UPP2: variants seen among roughly 807,000 people sequenced by gnomAD.
UPP2 encodes uridine phosphorylase 2.
Under a neutral mutation model 26.7 loss-of-function variants are expected in UPP2, and 23 were observed. The observed-to-expected ratio is 0.86, with a 90% CI of 0.62 to 1.22. The LOEUF is 1.22. UPP2 is among the 50% of genes most tolerant of loss of function. The pLI is 0.00. For missense variants in UPP2, 387 were observed against 396.7 expected, an observed-to-expected ratio of 0.98 and a Z score of 0.21; for synonymous variants, 127 against 141.3, an observed-to-expected ratio of 0.90 and a Z score of 0.72.
chr2:158,090,428 G>A (rs1337192311), intron 3 of UPP2, among the ~76,000 whole-genome samples: 3 of 152,096 alleles, frequency 2.0e-5, no homozygotes, highest in African/African-American at 7.2e-5. Context: ...GTGAACCCGG[G>A]AGGCGGAGCT....
At chr2:158,059,478 G>T (rs1451055658) in intron 3 of UPP2, among the ~76,000 whole-genome samples, 2 of 152,206 alleles carry the variant, frequency 1.3e-5, no homozygotes, top group Non-Finnish European at 2.9e-5. Flanking sequence ...TCTGAGTGTT[G>T]TTCCACATGC....
intron 3 of UPP2, among the ~76,000 whole-genome samples, chr2:158,092,300 A>C (rs574700230): frequency 6.6e-6 from 1 of 152,318 alleles, no homozygotes; most frequent in Non-Finnish European, 1.5e-5. Context: ...ACACCTAAAC[A>C]CATTTTAATA....
chr2:158,126,224 G>A (rs548327280), intron 6 of UPP2, among the ~76,000 whole-genome samples: 2 of 152,252 alleles, frequency 1.3e-5, no homozygotes, highest in African/African-American at 4.8e-5. Context: ...TTTCCCTCCT[G>A]GATGCTTTCT....
At chr2:158,101,531 G>A (rs1683074966), upstream of UPP2, among the ~76,000 whole-genome samples, 2 of 152,162 alleles carry the variant, frequency 1.3e-5, no homozygotes, top group South Asian at 4.1e-4. Flanking sequence ...GTTGGCGAGG[G>A]GCTGGATGGA....
intron 2 of UPP2, 127 bp from the exon 3 acceptor site, chr2:158,114,974 A>G (rs1314103609): frequency 6.9e-6 from 6 of 867,318 alleles, no homozygotes; most frequent in Non-Finnish European, 9.5e-6. Flanking sequence ...TGGAACATAA[A>G]CCATGACATC....
At chr2:158,042,412 T>C (rs141464994) in intron 3 of UPP2, among the ~76,000 whole-genome samples, 1 of 152,278 alleles carries the variant, frequency 6.6e-6, no homozygotes, top group Non-Finnish European at 1.5e-5. Flanking sequence ...TGATCACAGA[T>C]GCCGCCCTTC....
intron 3 of UPP2, among the ~76,000 whole-genome samples, chr2:158,024,893 T>G (rs1482144731): frequency 6.6e-6 from 1 of 152,098 alleles, no homozygotes; most frequent in African/African-American, 2.4e-5. Context: ...TTCTTTTTAT[T>G]GGTGCATAAT....
At chr2:158,041,164 G>T (rs1684076825) in intron 3 of UPP2, among the ~76,000 whole-genome samples, 1 of 152,032 alleles carries the variant, frequency 6.6e-6, no homozygotes, top group African/African-American at 2.4e-5. Flanking sequence ...AATTCAAAGA[G>T]AAATCACTTG....
chr2:158,018,633 T>G (rs1282847003), intron 3 of UPP2, among the ~76,000 whole-genome samples: 1 of 152,142 alleles, frequency 6.6e-6, no homozygotes, highest in Non-Finnish European at 1.5e-5. Flanking sequence ...GGAAAGCAGG[T>G]AGGGAGAGAG....
At chr2:158,060,354 T>C (rs1390065817) in intron 3 of UPP2, among the ~76,000 whole-genome samples, 1 of 152,162 alleles carries the variant, frequency 6.6e-6, no homozygotes, top group Admixed American at 6.5e-5. Flanking sequence ...AGATGATACA[T>C]GTAAAGCACT....
chr2:158,082,511 G>A (rs13404450), intron 3 of UPP2, among the ~76,000 whole-genome samples: 3,440 of 152,188 alleles, frequency 0.023, 133 homozygotes, highest in African/African-American at 0.075. Context: ...ACCATATGCA[G>A]AAAACTGAAA....
At chr2:158,091,179 T>C (rs1045751518) in intron 3 of UPP2, among the ~76,000 whole-genome samples, 3 of 152,222 alleles carry the variant, frequency 2.0e-5, no homozygotes, top group Admixed American at 1.3e-4. Context: ...TTGTAGCCTC[T>C]AGCAGAAGCA....
At chr2:158,063,825 T>C (rs1452320901) in intron 3 of UPP2, among the ~76,000 whole-genome samples, 1 of 152,160 alleles carries the variant, frequency 6.6e-6, no homozygotes, top group South Asian at 2.1e-4. Context: ...CAACTCCCAC[T>C]TATGAGTGAG....
At chr2:158,027,139 T>C (rs1466556936) in intron 3 of UPP2, among the ~76,000 whole-genome samples, 3 of 152,062 alleles carry the variant, frequency 2.0e-5, no homozygotes, top group Non-Finnish European at 4.4e-5. Context: ...AAACCAATCA[T>C]TGCCTTCCCA....
At chr2:158,051,073 C>T (rs1237466684) in intron 3 of UPP2, among the ~76,000 whole-genome samples, 1 of 151,572 alleles carries the variant, frequency 6.6e-6, no homozygotes, top group African/African-American at 2.4e-5. Context: ...TATATATGCA[C>T]ACACATAAAC....
chr2:158,042,004 G>T (rs1420191563), intron 3 of UPP2, among the ~76,000 whole-genome samples: 2 of 152,106 alleles, frequency 1.3e-5, no homozygotes, highest in Non-Finnish European at 2.9e-5. Context: ...TATAAATCTG[G>T]ATTTCCAGGA....
chr2:158,062,346 A>C (rs1682365785), intron 3 of UPP2, among the ~76,000 whole-genome samples: 1 of 152,158 alleles, frequency 6.6e-6, no homozygotes, highest in East Asian at 1.9e-4. Context: ...TGGCTACCAT[A>C]TTGGACAGTG....
chr2:158,030,218 T>C (rs1354952552), intron 3 of UPP2, among the ~76,000 whole-genome samples: 1 of 152,206 alleles, frequency 6.6e-6, no homozygotes, highest in African/African-American at 2.4e-5. Flanking sequence ...ATTTTGAGAA[T>C]GTACAAAATT....
At chr2:158,116,156 A>C (rs1019243637) in intron 3 of UPP2, among the ~76,000 whole-genome samples, 3 of 152,178 alleles carry the variant, frequency 2.0e-5, no homozygotes, top group Non-Finnish European at 2.9e-5. Flanking sequence ...AGGCAGCTAA[A>C]TTGCTCTCCT....
Sources: gnomAD v4.1 joint callset for allele counts (sites outside exome capture counted in the v4.1 genomes callset) on GRCh38, gnomAD v4.1.1 for gene constraint, MANE v1.5 for transcripts, NCBI Gene and HGNC (gene_info 2026-07-23, HGNC 2026-07-21) for gene names.